The following WDR89 variants were observed in gnomAD, a reference collection of about 807,000 sequenced individuals.
The protein encoded by WDR89 is WD repeat-containing protein 89.
Under a neutral mutation model 29.1 loss-of-function variants are expected in WDR89, and 17 were observed. The observed-to-expected ratio is 0.58, with a 90% CI of 0.40 to 0.88. WDR89 has a LOEUF of 0.88. Among genes scored for constraint, WDR89 ranks in the 40% least tolerant of loss-of-function variants. The pLI, the probability that WDR89 is intolerant of heterozygous loss-of-function variation, is 0.00. For synonymous variants in WDR89, 138 were observed against 157.8 expected, an observed-to-expected ratio of 0.87 and a Z score of 0.94; for missense variants, 396 against 456.3, an observed-to-expected ratio of 0.87 and a Z score of 1.20.
intron 2 of WDR89, among the ~76,000 whole-genome samples, chr14:63,616,465 T>C (rs1003804508): frequency 6.6e-6 from 1 of 152,016 alleles, no homozygotes; most frequent in Admixed American, 6.6e-5. Flanking sequence ...AATAACAACA[T>C]AGGGTAAGGC....
At chr14:63,622,151 C>T (rs28796021) in intron 2 of WDR89, among the ~76,000 whole-genome samples, 16,086 of 152,220 alleles carry the variant, frequency 0.11, 1,824 homozygotes, top group African/African-American at 0.29. Flanking sequence ...GTAAAGTGCA[C>T]CAGTCAGATG....
chr14:63,597,346 A>G lies in WDR89; in HGVS notation c.*1433T>C, dbSNP rs1450554965. 3 of 152,214 alleles carry G rather than the reference A, an allele frequency of 2.0e-5. No individual in the cohort carries two copies. The highest frequency in any genetic ancestry group is 7.2e-5 in the African/African-American group (3 of 41,460). The allele number at this position is 152,214 out of a possible 1,614,324, so 9.4% of individuals were successfully genotyped here. On this transcript the variant is annotated 3_prime_UTR_variant, in exon 3 of 3. Transcript: ENST00000620954. ...TACAATTCGAGATGAAATTTGGGTG[A>G]GGACACAGACAAACCATACCAGCCA...
intron 2 of WDR89, among the ~76,000 whole-genome samples, chr14:63,607,894 A>AAAG: frequency 6.6e-6 from 1 of 150,698 alleles, no homozygotes; most frequent in African/African-American, 2.4e-5. Flanking sequence ...AAAAAAAAAA[A>AAAG]AAAGAAAAGA....
chr14:63,622,508 G>A (rs894177827), intron 2 of WDR89, among the ~76,000 whole-genome samples: 3 of 152,194 alleles, frequency 2.0e-5, no homozygotes, highest in African/African-American at 2.4e-5. Flanking sequence ...TTGAACCCAG[G>A]GGGTGGAGGT....
intron 2 of WDR89, among the ~76,000 whole-genome samples, chr14:63,609,616 CCT>C (rs1377974320): frequency 2.6e-5 from 4 of 151,992 alleles, no homozygotes; most frequent in East Asian, 1.9e-4. Context: ...ATGGTGAAAT[CCT>C]CTCTCTACCA....
chr14:63,619,741 A>G (rs528428310), intron 2 of WDR89, among the ~76,000 whole-genome samples: 1 of 152,308 alleles, frequency 6.6e-6, no homozygotes, highest in South Asian at 2.1e-4. Context: ...ACCGTGGCTT[A>G]CGGCTGTATT....
intron 2 of WDR89, among the ~76,000 whole-genome samples, chr14:63,619,106 A>G (rs1040008502): frequency 1.3e-5 from 2 of 152,190 alleles, no homozygotes. Context: ...AAGAGCACCA[A>G]CGGTCGGCAG....
chr14:63,603,448 G>T (rs1445214983), intron 2 of WDR89, among the ~76,000 whole-genome samples: 1 of 152,182 alleles, frequency 6.6e-6, no homozygotes, highest in Non-Finnish European at 1.5e-5. Flanking sequence ...CATCCAAAGA[G>T]TTCAGGATCT....
chr14:63,614,655 T>A (rs1882199586), intron 2 of WDR89, among the ~76,000 whole-genome samples: 1 of 152,224 alleles, frequency 6.6e-6, no homozygotes, highest in Non-Finnish European at 1.5e-5. Flanking sequence ...TACACTGGTT[T>A]AATTTCAGGA....
chr14:63,612,539 C>A (rs1303208979), intron 2 of WDR89, among the ~76,000 whole-genome samples: 1 of 151,970 alleles, frequency 6.6e-6, no homozygotes, highest in East Asian at 1.9e-4. Flanking sequence ...CCATGCCCGA[C>A]TAATTTTGTA....
At chr14:63,621,597 C>CA (rs943010085) in intron 2 of WDR89, among the ~76,000 whole-genome samples, 15 of 149,458 alleles carry the variant, frequency 1.0e-4, no homozygotes, top group Non-Finnish European at 1.6e-4. Context: ...GACTCTGTCT[C>CA]AAAAAAAAAG....
At chr14:63,619,946 A>G (rs539218673) in intron 2 of WDR89, among the ~76,000 whole-genome samples, 96 of 146,932 alleles carry the variant, frequency 6.5e-4, no homozygotes, top group Non-Finnish European at 2.8e-4. Flanking sequence ...CGGAGCTTGC[A>G]GTGAGCCAAG....
chr14:63,604,166 T>A (rs921004042), intron 2 of WDR89, among the ~76,000 whole-genome samples: 1 of 152,242 alleles, frequency 6.6e-6, no homozygotes, highest in Non-Finnish European at 1.5e-5. Flanking sequence ...GGCTCATTCT[T>A]GTAATCCCAG....
At chr14:63,605,802 C>T (rs1363436557) in intron 2 of WDR89, among the ~76,000 whole-genome samples, 1 of 152,048 alleles carries the variant, frequency 6.6e-6, no homozygotes, top group African/African-American at 2.4e-5. Flanking sequence ...ACTTTCTCTA[C>T]TTATTGAAAG....
Position 63,597,670 on chromosome 14 carries a change from C to T in WDR89, c.*1109G>A, listed in dbSNP as rs186564416. ...TATCTTTCAAACTAATTTTTTTATT[C>T]ACTAGATAGCACTGTCTTATATTTT... On this transcript the variant is annotated 3_prime_UTR_variant, in exon 3 of 3. Coordinates refer to ENST00000620954, the MANE Select transcript of WDR89 (RefSeq NM_080666.4). 5 of 152,090 alleles carry T rather than the reference C, an allele frequency of 3.3e-5. No individual in the cohort carries two copies. Among genetic ancestry groups the T allele is most frequent in the Admixed American group, 2.6e-4 (4 of 15,268 alleles). The allele number at this position is 152,090 out of a possible 1,614,324, so 9.4% of individuals were successfully genotyped here.
chr14:63,611,375 AAAAG>A (rs1405076718), intron 2 of WDR89, among the ~76,000 whole-genome samples: 7 of 151,476 alleles, frequency 4.6e-5, no homozygotes, highest in South Asian at 2.1e-4. Flanking sequence ...AAGATCATGA[AAAAG>A]AAAGAAAGAC....
chr14:63,613,919 G>C (rs118069495), intron 2 of WDR89, among the ~76,000 whole-genome samples: 5,272 of 150,612 alleles, frequency 0.035, 115 homozygotes, highest in African/African-American at 0.058. Flanking sequence ...AAAGCGCTGG[G>C]ATTATAGGCA....
At chr14:63,630,930 A>G (rs1052907051) in intron 1 of WDR89, 1 of 151,950 alleles carries the variant, frequency 6.6e-6, no homozygotes, top group Non-Finnish European at 1.5e-5. Flanking sequence ...TGATGCCACC[A>G]TGCCCCAGCT....
chr14:63,600,694 G>A (rs1349246591), intron 2 of WDR89, among the ~76,000 whole-genome samples: 3 of 70,788 alleles, frequency 4.2e-5, no homozygotes, highest in Non-Finnish European at 5.4e-5. Context: ...CACAACTTTA[G>A]AATTTAAACA....
Sources: gnomAD v4.1 joint callset for allele counts (sites outside exome capture counted in the v4.1 genomes callset) on GRCh38, gnomAD v4.1.1 for gene constraint, MANE v1.5 for transcripts, NCBI Gene and HGNC (gene_info 2026-07-23, HGNC 2026-07-21) for gene names.